Variants in CPNE4 observed in about 807,000 individuals in gnomAD.
CPNE4 encodes copine 4, also known as copine-4.
Under a neutral mutation model 67.9 loss-of-function variants are expected in CPNE4, and 25 were observed. The ratio of observed to expected loss-of-function variants is 0.37; its 90% CI spans 0.27 to 0.51. The LOEUF is 0.51. Among genes scored for constraint, CPNE4 ranks in the 20% least tolerant of loss-of-function variants. The pLI is 0.93. For synonymous variants in CPNE4, 242 were observed against 244.9 expected (o/e 0.99, Z 0.11); for missense variants, 464 against 690.8 (o/e 0.67, Z 3.68).
In CPNE4 at chr3:131,575,253, T is replaced by C. The variant is rs942986235; in HGVS notation, c.868-123A>G. On this transcript the variant is annotated intron_variant, in intron 9 of 15. Transcript: ENST00000429747. ...CAGAGGAAAGGGCAGACAGACATCA[T>C]TGAAAAAAGATGGGTCAGTTAAGTT... 33 of 762,990 alleles carry C rather than the reference T, an allele frequency of 4.3e-5. No individual in the cohort carries two copies. The East Asian group carries it at 7.5e-4, about 17-fold the overall frequency. The allele number at this position is 762,990 out of a possible 1,614,324, so 47.3% of individuals were successfully genotyped here.
At chr3:131,945,473 A>G (rs566801351) in intron 1 of CPNE4, among the ~76,000 whole-genome samples, 21 of 152,298 alleles carry the variant, frequency 1.4e-4, no homozygotes, top group African/African-American at 4.6e-4. Flanking sequence ...TAGTTTGGGA[A>G]CTAGAGATGG....
At chr3:131,925,117 GTCTCTCTCTCTCTCTGATTCTC>G in intron 1 of CPNE4, among the ~76,000 whole-genome samples, 1 of 150,714 alleles carries the variant, frequency 6.6e-6, no homozygotes. Flanking sequence ...ATTGCTAAAA[GTCTCTCTCTCTCTCTGATTCTC>G]TCTCTCTTGT....
At chr3:132,021,099 A>G (rs1279234966) in intron 1 of CPNE4, among the ~76,000 whole-genome samples, 1 of 152,222 alleles carries the variant, frequency 6.6e-6, no homozygotes, top group Non-Finnish European at 1.5e-5. Flanking sequence ...TGTGGCTGTC[A>G]CATTGGCACA....
chr3:131,974,977 C>T (rs2072608462), intron 1 of CPNE4, among the ~76,000 whole-genome samples: 1 of 152,086 alleles, frequency 6.6e-6, no homozygotes, highest in Non-Finnish European at 1.5e-5. Flanking sequence ...CCCTGCACTC[C>T]AGGCTGGGTG....
chr3:131,844,259 C>CTT (rs569052106), intron 2 of CPNE4, among the ~76,000 whole-genome samples: 36 of 136,152 alleles, frequency 2.6e-4, no homozygotes, highest in Non-Finnish European at 4.5e-4. Flanking sequence ...TCTGTATGTT[C>CTT]TTTTTTTTTT....
chr3:131,857,005 G>T (rs1208726410), intron 2 of CPNE4, among the ~76,000 whole-genome samples: 1 of 151,960 alleles, frequency 6.6e-6, no homozygotes, highest in Non-Finnish European at 1.5e-5. Flanking sequence ...CTGTTTATAA[G>T]ACATAATGCT....
chr3:131,816,546 A>C (rs551268611), intron 2 of CPNE4, among the ~76,000 whole-genome samples: 29 of 152,256 alleles, frequency 1.9e-4, no homozygotes, highest in Non-Finnish European at 4.0e-4. Context: ...TCGAATCCCC[A>C]CCACTTTTAG....
intron 1 of CPNE4, among the ~76,000 whole-genome samples, chr3:131,981,865 G>C (rs1003483640): frequency 6.6e-6 from 1 of 152,182 alleles, no homozygotes; most frequent in African/African-American, 2.4e-5. Flanking sequence ...TTCTCCAGTA[G>C]GAGTGTGTGT....
chr3:132,006,459 GCTCT>G lies in CPNE4; in HGVS notation c.-2+28104_-2+28107del, dbSNP rs1336210652. Among the ~76,000 whole-genome samples, 4 of 152,156 alleles carry G rather than the reference GCTCT, an allele frequency of 2.6e-5. No homozygotes were observed. The East Asian group carries it at 5.8e-4, about 22-fold the overall frequency. On this transcript the variant is annotated intron_variant, in intron 1 of 15. Transcript: ENST00000429747. ...GAAGCAAAGCCTGTTTACAACTTAG[GCTCT>G]CTCTAAGTATCTACAGACTGTGACA...
chr3:131,695,189 C>T (rs549348715), intron 5 of CPNE4, among the ~76,000 whole-genome samples: 1 of 152,272 alleles, frequency 6.6e-6, no homozygotes, highest in East Asian at 1.9e-4. Flanking sequence ...TACTAAGGAT[C>T]TGGACAAGAC....
intron 7 of CPNE4, among the ~76,000 whole-genome samples, chr3:131,589,964 G>C (rs1938429066): frequency 6.6e-6 from 1 of 152,162 alleles, no homozygotes; most frequent in Admixed American, 6.5e-5. Flanking sequence ...GAATTGAGAA[G>C]AAATTAGGGT....
intron 1 of CPNE4, among the ~76,000 whole-genome samples, chr3:131,991,075 T>C (rs2073164512): frequency 7.3e-6 from 1 of 136,502 alleles, no homozygotes; most frequent in Admixed American, 8.3e-5. Context: ...ATTAAACCTC[T>C]TTCCTTTATA....
At chr3:131,604,416 T>G (rs144062215) in intron 7 of CPNE4, among the ~76,000 whole-genome samples, 2 of 152,206 alleles carry the variant, frequency 1.3e-5, no homozygotes, top group Non-Finnish European at 2.9e-5. Flanking sequence ...TCAACTTGAT[T>G]GGGCTGAAGG....
chr3:131,840,551 T>A (rs2085734062), intron 2 of CPNE4, among the ~76,000 whole-genome samples: 1 of 152,198 alleles, frequency 6.6e-6, no homozygotes, highest in Non-Finnish European at 1.5e-5. Flanking sequence ...AGTGCTGCAG[T>A]TGCTAACTTC....
chr3:131,553,771 A>C lies in CPNE4; in HGVS notation c.1117-1280T>G, dbSNP rs534847329. Among the ~76,000 whole-genome samples, 4 of 152,224 alleles carry C rather than the reference A, an allele frequency of 2.6e-5. No homozygotes were observed. The South Asian group carries it at 8.3e-4, about 32-fold the overall frequency. ...GGTGCTTGTGTTTCAGTTTCAATGC[A>C]TACTTTCAGATTTTGTCCTAAGAAG... On this transcript the variant is annotated intron_variant, in intron 12 of 15. Coordinates refer to ENST00000429747, the MANE Select transcript of CPNE4 (RefSeq NM_130808.3).
chr3:131,837,571 T>G (rs959400375), intron 2 of CPNE4, among the ~76,000 whole-genome samples: 1 of 151,982 alleles, frequency 6.6e-6, no homozygotes, highest in Non-Finnish European at 1.5e-5. Context: ...ACAGGGAGAT[T>G]TTTTTTGGGG....
At chr3:131,818,729 T>C (rs1159747415) in intron 2 of CPNE4, among the ~76,000 whole-genome samples, 1 of 152,226 alleles carries the variant, frequency 6.6e-6, no homozygotes, top group Non-Finnish European at 1.5e-5. Flanking sequence ...CTCCATGTAG[T>C]AGATAATAAC....
chr3:131,693,054 C>G (rs2081066853), intron 5 of CPNE4, among the ~76,000 whole-genome samples: 1 of 152,134 alleles, frequency 6.6e-6, no homozygotes, highest in Admixed American at 6.6e-5. Flanking sequence ...AGTTATTTAT[C>G]ACAAACCTAA....
intron 1 of CPNE4, among the ~76,000 whole-genome samples, chr3:131,951,626 T>C (rs979125327): frequency 3.3e-5 from 5 of 152,312 alleles, no homozygotes; most frequent in African/African-American, 1.2e-4. Context: ...GAAGCTGGAC[T>C]GTACTGCTGC....
Sources: allele counts gnomAD v4.1 joint callset (sites outside exome capture counted in the v4.1 genomes callset), GRCh38; gene constraint gnomAD v4.1.1; transcripts MANE v1.5; gene names NCBI Gene and HGNC (gene_info 2026-07-23, HGNC 2026-07-21).